The following BMAL1 variants were observed in gnomAD, a reference collection of about 807,000 sequenced individuals.
BMAL1 encodes basic helix-loop-helix ARNT like 1.
chr11:13,381,389 T>A, the BMAL1 span: 1 of 803,890 alleles, frequency 1.2e-6, no homozygotes. Context: ...TAAATGCATC[T>A]GTGTGAGGCT....
At chr11:13,312,371 A>G in the BMAL1 span, among the ~76,000 whole-genome samples, 1 of 152,174 alleles carries the variant, frequency 6.6e-6, no homozygotes, top group South Asian at 2.1e-4. Flanking sequence ...CCTCCTACTA[A>G]TGTAGAAGGA....
chr11:13,342,287 A>C, the BMAL1 span, among the ~76,000 whole-genome samples: 1 of 152,234 alleles, frequency 6.6e-6, no homozygotes, highest in South Asian at 2.1e-4. Context: ...GAGACCACTC[A>C]TAAGAAAAAG....
chr11:13,359,194 T>A, the BMAL1 span, among the ~76,000 whole-genome samples: 3 of 152,210 alleles, frequency 2.0e-5, no homozygotes, highest in African/African-American at 7.2e-5. Flanking sequence ...AAAGTGGAAG[T>A]GACTTATCCA....
the BMAL1 span, chr11:13,360,528 T>G: frequency 1.0e-6 from 1 of 976,514 alleles, no homozygotes; most frequent in African/African-American, 1.6e-5. Flanking sequence ...CTTTTTTTTT[T>G]AGGCCTGCTT....
At chr11:13,351,386 TAG>T in the BMAL1 span, among the ~76,000 whole-genome samples, 4 of 109,160 alleles carry the variant, frequency 3.7e-5, no homozygotes, top group African/African-American at 2.2e-4. Context: ...GGCTTGGAGA[TAG>T]AGTTTTGGTT....
At chr11:13,321,034 C>T in the BMAL1 span, among the ~76,000 whole-genome samples, 1 of 152,164 alleles carries the variant, frequency 6.6e-6, no homozygotes. Context: ...TTTGGCCTTG[C>T]CAATGCACTG....
At chr11:13,359,772 G>GT in the BMAL1 span, among the ~76,000 whole-genome samples, 1 of 152,096 alleles carries the variant, frequency 6.6e-6, no homozygotes, top group Non-Finnish European at 1.5e-5. Context: ...CCTAAGTCTT[G>GT]TCCCCTTTCA....
At chr11:13,382,790 C>A in the BMAL1 span, among the ~76,000 whole-genome samples, 1 of 152,166 alleles carries the variant, frequency 6.6e-6, no homozygotes. Context: ...ATTATAGTGA[C>A]AAGATCCAGG....
the BMAL1 span, chr11:13,381,118 C>T: frequency 6.3e-7 from 1 of 1,587,118 alleles, no homozygotes; most frequent in Non-Finnish European, 8.7e-7. Flanking sequence ...CACATACACT[C>T]CACTGAAAAA....
At chr11:13,330,538 T>C in the BMAL1 span, among the ~76,000 whole-genome samples, 2 of 152,254 alleles carry the variant, frequency 1.3e-5, no homozygotes, top group African/African-American at 2.4e-5. Context: ...TTTCAAGGGC[T>C]TCGTAAATCA....
At chr11:13,317,353 T>A in the BMAL1 span, among the ~76,000 whole-genome samples, 1 of 152,216 alleles carries the variant, frequency 6.6e-6, no homozygotes, top group African/African-American at 2.4e-5. Context: ...TGAGTCTATG[T>A]CCTTTGTTGT....
the BMAL1 span, among the ~76,000 whole-genome samples, chr11:13,299,751 G>T: frequency 1.3e-5 from 2 of 152,186 alleles, no homozygotes; most frequent in African/African-American, 4.8e-5. Context: ...ACCAACAGAG[G>T]ACAAGGGGCT....
At chr11:13,291,660 A>G in the BMAL1 span, among the ~76,000 whole-genome samples, 1 of 152,330 alleles carries the variant, frequency 6.6e-6, no homozygotes, top group Non-Finnish European at 1.5e-5. Context: ...TGCTTTCTCT[A>G]TTGAAGTTCT....
chr11:13,372,458 AC>A, the BMAL1 span: 1 of 1,599,802 alleles, frequency 6.3e-7, no homozygotes, highest in African/African-American at 1.3e-5. Context: ...AGGATTTTCA[AC>A]CCTGATCTAA....
the BMAL1 span, among the ~76,000 whole-genome samples, chr11:13,288,324 CTGGCACTGGACT>C: frequency 6.6e-6 from 1 of 151,904 alleles, no homozygotes; most frequent in Non-Finnish European, 1.5e-5. Context: ...CTCTCGACCA[CTGGCACTGGACT>C]TGGCTGTTTC....
the BMAL1 span, among the ~76,000 whole-genome samples, chr11:13,354,795 A>G: frequency 2.6e-5 from 4 of 152,152 alleles, no homozygotes; most frequent in African/African-American, 4.8e-5. Flanking sequence ...GTGTCATCTC[A>G]GGGGGTTCAA....
the BMAL1 span, among the ~76,000 whole-genome samples, chr11:13,308,781 A>T: frequency 1.3e-5 from 2 of 152,164 alleles, no homozygotes; most frequent in Non-Finnish European, 1.5e-5. Context: ...AGATGTGAAG[A>T]TAGTACCGTA....
At chr11:13,317,234 G>C in the BMAL1 span, among the ~76,000 whole-genome samples, 1 of 152,126 alleles carries the variant, frequency 6.6e-6, no homozygotes, top group Non-Finnish European at 1.5e-5. Context: ...TGGTATATAA[G>C]AAAAGTGCTT....
At chr11:13,294,901 C>T in the BMAL1 span, among the ~76,000 whole-genome samples, 1 of 152,204 alleles carries the variant, frequency 6.6e-6, no homozygotes, top group South Asian at 2.1e-4. Flanking sequence ...GTGGCTTCTT[C>T]CCGCAGTGTT....
Sources: allele counts gnomAD v4.1 joint callset (sites outside exome capture counted in the v4.1 genomes callset), GRCh38; gene constraint gnomAD v4.1.1; transcripts MANE v1.5; gene names NCBI Gene and HGNC (gene_info 2026-07-23, HGNC 2026-07-21).